The following DGLUCY variants were observed in gnomAD, a reference collection of about 807,000 sequenced individuals.
DGLUCY encodes D-glutamate cyclase.
In DGLUCY, 58 loss-of-function variants were observed where a neutral mutation model predicts 58.5. That is an observed-to-expected ratio of 0.99 (90% CI 0.80 to 1.23). The LOEUF is 1.23. Among genes scored for constraint, DGLUCY ranks in the 50% most tolerant of loss-of-function variants. The probability of loss-of-function intolerance (pLI) is 0.00; values close to 1 mark genes in which losing one functional copy is unlikely to be tolerated. For synonymous variants in DGLUCY, 325 were observed against 314.1 expected, an observed-to-expected ratio of 1.03 and a Z score of -0.37; for missense variants, 779 against 784.7, an observed-to-expected ratio of 0.99 and a Z score of 0.09.
upstream of DGLUCY, among the ~76,000 whole-genome samples, chr14:91,107,307 T>C (rs922993424): frequency 2.0e-5 from 3 of 151,722 alleles, no homozygotes; most frequent in African/African-American, 7.3e-5. Flanking sequence ...TCATCTGAGG[T>C]CGGGAGTTCG....
chr14:91,224,675 T>C lies in DGLUCY; in HGVS notation c.1717-9T>C, dbSNP rs1887971673. ...CCACTCCTTCTATTTCTGCCCTATT[T>C]TTTTCCAGGAAGAAAAAATGCTGGG... On this transcript the variant is annotated splice_polypyrimidine_tract_variant and intron_variant, in intron 13 of 13. Coordinates refer to ENST00000256324, the MANE Select transcript of DGLUCY (RefSeq NM_001102368.3). 1 of 1,588,020 alleles carries C rather than the reference T, an allele frequency of 6.3e-7. No individual in the cohort carries two copies. The highest frequency in any genetic ancestry group is 1.3e-5 in the African/African-American group (1 of 74,468).
At chr14:91,092,302 A>G (rs2044324676) in intron 1 of DGLUCY, among the ~76,000 whole-genome samples, 1 of 152,272 alleles carries the variant, frequency 6.6e-6, no homozygotes, top group South Asian at 2.1e-4. Context: ...CTCCCCCACC[A>G]TGGTGCTTAG....
chr14:91,111,618 C>G (rs1282001734), upstream of DGLUCY, among the ~76,000 whole-genome samples: 1 of 152,116 alleles, frequency 6.6e-6, no homozygotes, highest in East Asian at 1.9e-4. Context: ...GGCTATCACT[C>G]TCAGATCTTA....
intron 1 of DGLUCY, among the ~76,000 whole-genome samples, chr14:91,074,102 A>C (rs1272516547): frequency 1.3e-5 from 1 of 79,302 alleles, no homozygotes; most frequent in Admixed American, 1.6e-4. Flanking sequence ...CCAAAAAAAA[A>C]AAATATATAT....
intron 1 of DGLUCY, among the ~76,000 whole-genome samples, chr14:91,146,597 C>T (rs1192788784): frequency 6.6e-6 from 1 of 152,118 alleles, no homozygotes; most frequent in Admixed American, 6.5e-5. Context: ...TGCAGCAAGA[C>T]GAGTGGGACA....
At chr14:91,179,082 A>G (rs2049015315) in intron 7 of DGLUCY, among the ~76,000 whole-genome samples, 1 of 152,188 alleles carries the variant, frequency 6.6e-6, no homozygotes, top group Non-Finnish European at 1.5e-5. Flanking sequence ...CTCAATTCAC[A>G]TCTGCATTTG....
chr14:91,175,432 C>T (rs1291936869), intron 6 of DGLUCY, among the ~76,000 whole-genome samples: 1 of 152,178 alleles, frequency 6.6e-6, no homozygotes, highest in African/African-American at 2.4e-5. Flanking sequence ...TTGCTAGCTT[C>T]ATCACATGAG....
intron 1 of DGLUCY, among the ~76,000 whole-genome samples, chr14:91,140,871 TC>T (rs1309761926): frequency 6.6e-6 from 1 of 152,116 alleles, no homozygotes; most frequent in African/African-American, 2.4e-5. Context: ...ACTCAGGCTC[TC>T]TCTTGCTGCC....
intron 1 of DGLUCY, among the ~76,000 whole-genome samples, chr14:91,134,331 A>C (rs1352601280): frequency 1.3e-5 from 2 of 152,142 alleles, no homozygotes; most frequent in Non-Finnish European, 2.9e-5. Flanking sequence ...CTTTAAGTAA[A>C]GTTTTACCAT....
intron 1 of DGLUCY, among the ~76,000 whole-genome samples, chr14:91,122,432 C>T (rs1485928418): frequency 1.3e-5 from 2 of 151,664 alleles, no homozygotes; most frequent in Admixed American, 6.6e-5. Context: ...GGATTACAGG[C>T]GTGAGCCATT....
chr14:91,216,185 T>G, intron 13 of DGLUCY: 1 of 164,678 alleles, frequency 6.1e-6, no homozygotes, highest in South Asian at 1.5e-4. Context: ...GAGCAGGAGG[T>G]AGGGGGTGAG....
rs375858020 is a variant in DGLUCY, at chr14:91,199,751, C to T, written c.1296-6C>T. 1.6e-4 allele frequency: 257 copies of T among 1,613,822 alleles called. 2 individuals carry two copies. The African/African-American group carries it at 2.7e-3, about 17-fold the overall frequency. On this transcript the variant is annotated splice_polypyrimidine_tract_variant and splice_region_variant and intron_variant, in intron 10 of 13. Coordinates refer to ENST00000256324, the MANE Select transcript of DGLUCY (RefSeq NM_001102368.3). ...CCTCTGACCTCTGACCTTTGCTTCC[C>T]GGCAGATTTGACCACCTGGTGGCCA... is the stretch of plus-strand genomic sequence containing the variant.
chr14:91,215,307 C>G (rs954656988), intron 12 of DGLUCY, 98 bp from the exon 13 acceptor site: 3 of 1,507,304 alleles, frequency 2.0e-6, no homozygotes, highest in African/African-American at 2.8e-5. Context: ...GCTACGGGAC[C>G]GTGGACCAGT....
At chr14:91,089,820 CAA>C (rs796803760) in intron 1 of DGLUCY, among the ~76,000 whole-genome samples, 16 of 92,808 alleles carry the variant, frequency 1.7e-4, no homozygotes, top group Admixed American at 2.4e-4. Flanking sequence ...GACTCTGTCT[CAA>C]AAAAAAAAAA....
chr14:91,087,962 GC>G (rs1208806225), intron 1 of DGLUCY, among the ~76,000 whole-genome samples: 1 of 152,182 alleles, frequency 6.6e-6, no homozygotes, highest in Non-Finnish European at 1.5e-5. Context: ...CAATGAGACA[GC>G]CCAGGGATGG....
At chr14:91,100,939 C>T (rs1356359686) in intron 1 of DGLUCY, among the ~76,000 whole-genome samples, 3 of 152,098 alleles carry the variant, frequency 2.0e-5, no homozygotes, top group South Asian at 2.1e-4. Flanking sequence ...GGCATGGTGG[C>T]GCACACCTAT....
chr14:91,176,459 C>T (rs548565026), intron 7 of DGLUCY, among the ~76,000 whole-genome samples: 1 of 152,132 alleles, frequency 6.6e-6, no homozygotes. Flanking sequence ...CTCCTGACCT[C>T]GTGGTCTGCC....
intron 6 of DGLUCY, chr14:91,173,696 T>C: frequency 2.5e-6 from 1 of 404,026 alleles, no homozygotes; most frequent in Non-Finnish European, 4.4e-6. Flanking sequence ...TGAACAAGGC[T>C]CAAAGGCTCT....
intron 1 of DGLUCY, among the ~76,000 whole-genome samples, chr14:91,146,868 G>C (rs2047040666): frequency 6.6e-6 from 1 of 152,096 alleles, no homozygotes. Flanking sequence ...CATAGAAATA[G>C]ATGGAGCGCA....
Sources: allele counts gnomAD v4.1 joint callset (sites outside exome capture counted in the v4.1 genomes callset), GRCh38; gene constraint gnomAD v4.1.1; transcripts MANE v1.5; gene names NCBI Gene and HGNC (gene_info 2026-07-23, HGNC 2026-07-21).